Variants in PALD1 observed in about 807,000 individuals in gnomAD.
PALD1 encodes the protein paladin.
A neutral mutation model predicts 96.0 loss-of-function variants in PALD1; 57 were observed. That is an observed-to-expected ratio of 0.59 (90% confidence interval 0.48 to 0.74). PALD1 has a LOEUF of 0.74. Among genes scored for constraint, PALD1 ranks in the 30% least tolerant of loss-of-function variants. The probability of loss-of-function intolerance (pLI) is 0.00; values close to 1 mark genes in which losing one functional copy is unlikely to be tolerated. For synonymous variants in PALD1, 464 were observed against 473.6 expected, an observed-to-expected ratio of 0.98 and a Z score of 0.26; for missense variants, 1,063 against 1,143.7, an observed-to-expected ratio of 0.93 and a Z score of 1.02.
chr10:70,527,801 T>C (rs1367238383), intron 2 of PALD1, among the ~76,000 whole-genome samples: 3 of 152,114 alleles, frequency 2.0e-5, no homozygotes, highest in African/African-American at 4.8e-5. Flanking sequence ...TTTTTTAAAA[T>C]TTAAGTTCTA....
At chr10:70,518,529 T>A (rs1345795514) in intron 1 of PALD1, among the ~76,000 whole-genome samples, 1 of 152,174 alleles carries the variant, frequency 6.6e-6, no homozygotes, top group Non-Finnish European at 1.5e-5. Flanking sequence ...AATTTGTCAT[T>A]CTAGTGCAGG....
intron 1 of PALD1, among the ~76,000 whole-genome samples, chr10:70,492,307 A>G (rs1051792918): frequency 2.0e-5 from 3 of 152,110 alleles, no homozygotes; most frequent in Non-Finnish European, 4.4e-5. Flanking sequence ...TTATCTGCGT[A>G]TAACTCCGTG....
At chr10:70,532,093 T>C (rs1847005394) in intron 5 of PALD1, among the ~76,000 whole-genome samples, 1 of 151,870 alleles carries the variant, frequency 6.6e-6, no homozygotes, top group South Asian at 2.1e-4. Flanking sequence ...AGCCTCTGAG[T>C]CAGTTCCCTC....
chr10:70,539,167 G>A lies in PALD1; in HGVS notation c.1645G>A (p.Glu549Lys). The A allele has an allele frequency of 6.2e-7, 1 of 1,613,462 alleles. No homozygotes were observed. The highest frequency in any genetic ancestry group is 8.5e-7 in the Non-Finnish European group (1 of 1,179,768). The change falls in exon 14 of 20, where the codon GAG becomes AAG. Residue 549 changes from glutamate (E) to lysine (K), a missense_variant. Glu to Lys is a moderately conservative substitution (Grantham distance 56). Coordinates refer to ENST00000263563, the MANE Select transcript of PALD1 (RefSeq NM_014431.3). This position sits in a 1 kb window ranked among gnomAD's most constrained non-coding sequence, Gnocchi z 4.5. ...LRKVVWVSLREEAVLECDGHT... is the reference protein window; with the variant it reads ...LRKVVWVSLRKEAVLECDGHT... ...GAAGGTTGTCTGGGTGAGCCTTCGG[G>A]AGGAGGCCGTGTTGGAGTGTGACGG...
intron 5 of PALD1, among the ~76,000 whole-genome samples, chr10:70,531,981 T>TAA (rs71472975): frequency 6.6e-5 from 9 of 136,642 alleles, no homozygotes; most frequent in East Asian, 2.2e-4. Context: ...AAACTCTTTC[T>TAA]AAAAAAAAAA....
At position 70,532,992 on chromosome 10, in the gene PALD1, C is replaced by T; in HGVS notation, c.795-3C>T. On this transcript the variant is annotated splice_region_variant and splice_polypyrimidine_tract_variant and intron_variant, in intron 6 of 19. Transcript: ENST00000263563. Reference sequence around the variant, plus strand: ...CTGATGGCTGCTCTCCCTCACCTGGCAGGTACCACCGCCTGCCCCTGCCCG... The same window carrying T: ...CTGATGGCTGCTCTCCCTCACCTGGTAGGTACCACCGCCTGCCCCTGCCCG... 6.3e-7 allele frequency: 1 copy of T among 1,574,964 alleles called. No homozygotes were observed. The highest frequency in any genetic ancestry group is 8.6e-7 in the Non-Finnish European group (1 of 1,160,056).
the PALD1 span, among the ~76,000 whole-genome samples, chr10:70,466,332 G>A: frequency 6.6e-6 from 1 of 151,704 alleles, no homozygotes; most frequent in South Asian, 2.1e-4. Context: ...TGCAACCTCT[G>A]CCTCCTAGGT....
intron 1 of PALD1, among the ~76,000 whole-genome samples, chr10:70,494,864 A>T (rs565749338): frequency 3.2e-4 from 49 of 152,344 alleles, no homozygotes; most frequent in Middle Eastern, 3.4e-3. Context: ...ACTAGGCAGG[A>T]TGTGGGAAAA....
At chr10:70,541,334 AG>A in intron 16 of PALD1, 92 bp downstream of exon 16, 1 of 1,528,570 alleles carries the variant, frequency 6.5e-7, no homozygotes, top group Non-Finnish European at 9.0e-7. Flanking sequence ...GGAGGGTGTG[AG>A]GGGCAGAGAC....
chr10:70,460,769 C>G, the PALD1 span, among the ~76,000 whole-genome samples: 1 of 152,126 alleles, frequency 6.6e-6, no homozygotes, highest in Non-Finnish European at 1.5e-5. Flanking sequence ...GAAATACAAG[C>G]TCCAGGCCGG....
chr10:70,546,302 A>G (rs77535738), intron 17 of PALD1, among the ~76,000 whole-genome samples: 1,525 of 152,308 alleles, frequency 0.01, 25 homozygotes, highest in African/African-American at 0.034. Context: ...CCATGGGTGC[A>G]TTGGGGTGGT....
chr10:70,500,689 C>A (rs1019183026), intron 1 of PALD1, among the ~76,000 whole-genome samples: 2 of 152,140 alleles, frequency 1.3e-5, no homozygotes, highest in African/African-American at 2.4e-5. Context: ...GGAGTCCCTG[C>A]GCTTCTGTCA....
chr10:70,509,189 G>A (rs569695793), intron 1 of PALD1, among the ~76,000 whole-genome samples: 4 of 152,254 alleles, frequency 2.6e-5, no homozygotes, highest in East Asian at 1.9e-4. Flanking sequence ...GCCCCCTGCC[G>A]GTCCCTGCTC....
At chr10:70,461,637 A>G in the PALD1 span, among the ~76,000 whole-genome samples, 1 of 152,336 alleles carries the variant, frequency 6.6e-6, no homozygotes, top group Admixed American at 6.5e-5. Flanking sequence ...CTCAGATTCC[A>G]GAACAGCTCC....
chr10:70,564,524 G>T lies in PALD1; in HGVS notation c.2418+5G>T. On this transcript the variant is annotated splice_donor_5th_base_variant and intron_variant, in intron 19 of 19. Coordinates refer to ENST00000263563, the MANE Select transcript of PALD1 (RefSeq NM_014431.3). The stretch of plus-strand genomic sequence containing the variant: ...TTCAGCACCTGGATGCAGGAGGTGA[G>T]GGGAGGCTGAGGCCGAGAGGGGCCG... 6.2e-7 allele frequency: 1 copy of T among 1,613,012 alleles called. No homozygotes were observed. Among genetic ancestry groups the T allele is most frequent in the South Asian group, 1.1e-5 (1 of 91,018 alleles).
At chr10:70,546,510 C>T (rs1243173266) in intron 17 of PALD1, among the ~76,000 whole-genome samples, 1 of 152,102 alleles carries the variant, frequency 6.6e-6, no homozygotes, top group Non-Finnish European at 1.5e-5. Context: ...CTGTGGCAGT[C>T]CCGTTTTCCT....
chr10:70,505,044 G>T (rs1846358700), intron 1 of PALD1, among the ~76,000 whole-genome samples: 1 of 152,196 alleles, frequency 6.6e-6, no homozygotes, highest in Admixed American at 6.5e-5. Flanking sequence ...TATTGGCCCT[G>T]TGTGTTACAC....
intron 1 of PALD1, among the ~76,000 whole-genome samples, chr10:70,481,804 C>T (rs1219640737): frequency 6.6e-6 from 1 of 152,180 alleles, no homozygotes; most frequent in African/African-American, 2.4e-5. Flanking sequence ...GAAGGGGTCC[C>T]CCACCTGGCT....
rs188924704 is a variant in PALD1, at chr10:70,504,477, C to A, written c.-29-21446C>A. 1.5e-3 allele frequency among the ~76,000 whole-genome samples: 224 copies of A among 152,288 alleles called. 1 individual carries two copies. Among genetic ancestry groups the A allele is most frequent in the African/African-American group, 5.2e-3 (218 of 41,554 alleles). On this transcript the variant is annotated intron_variant, in intron 1 of 19. Transcript: ENST00000263563. ...GGCGGAGGTTGCAGTGAGCCGAGAT[C>A]GTGCCACTGCACTCCAGCCTGGGTG...
Sources: gnomAD v4.1 joint callset for allele counts (sites outside exome capture counted in the v4.1 genomes callset) on GRCh38, gnomAD v4.1.1 for gene constraint, Gnocchi (gnomAD v3.1) non-coding constraint, MANE v1.5 for transcripts, NCBI Gene and HGNC (gene_info 2026-07-23, HGNC 2026-07-21) for gene names.